Variants in TCAIM observed in about 807,000 individuals in gnomAD.
TCAIM encodes the protein T-cell activation inhibitor, mitochondrial.
A neutral mutation model predicts 58.6 loss-of-function variants in TCAIM; 36 were observed. The ratio of observed to expected loss-of-function variants is 0.61; its 90% CI spans 0.47 to 0.81. The LOEUF (loss-of-function observed/expected upper bound fraction) is 0.81, where lower values mean the gene tolerates loss of function less well. Ranked by LOEUF, TCAIM falls within the 30% of genes least tolerant of loss-of-function variation. TCAIM has a pLI of 0.00. For missense variants in TCAIM, 466 were observed against 579.6 expected, an observed-to-expected ratio of 0.80 and a Z score of 2.01; for synonymous variants, 172 against 193.6, an observed-to-expected ratio of 0.89 and a Z score of 0.93.
At chr3:44,396,640 T>A in intron 7 of TCAIM, 103 bp from the exon 8 acceptor site, 2 of 1,437,582 alleles carry the variant, frequency 1.4e-6, no homozygotes, top group Admixed American at 4.1e-5. Flanking sequence ...AATTAGCCTT[T>A]AAGCTTCTAC....
At chr3:44,393,788 A>G (rs13093862) in intron 6 of TCAIM, among the ~76,000 whole-genome samples, 71,190 of 151,976 alleles carry the variant, frequency 0.47, 18,464 homozygotes, top group East Asian at 0.8. Context: ...GTTTTAAAAG[A>G]TTAGTATTTG....
intron 10 of TCAIM, among the ~76,000 whole-genome samples, chr3:44,402,119 T>C (rs752697967): frequency 1.7e-4 from 26 of 150,456 alleles, no homozygotes; most frequent in Non-Finnish European, 1.8e-4. Flanking sequence ...AAAAAATCAT[T>C]TTAGGCCGTG....
chr3:44,406,815 T>TC, intron 10 of TCAIM, among the ~76,000 whole-genome samples: 1 of 152,188 alleles, frequency 6.6e-6, no homozygotes, highest in Non-Finnish European at 1.5e-5. Context: ...AAACACTGTA[T>TC]CCCTAAGCAC....
intron 9 of TCAIM, 105 bp from the exon 10 acceptor site, chr3:44,401,098 T>C: frequency 6.7e-7 from 1 of 1,493,928 alleles, no homozygotes; most frequent in Non-Finnish European, 8.9e-7. Flanking sequence ...AGGTGGCTTT[T>C]CTTGATGATT....
chr3:44,390,482 G>T (rs180955489), intron 5 of TCAIM, among the ~76,000 whole-genome samples: 75 of 152,222 alleles, frequency 4.9e-4, no homozygotes, highest in African/African-American at 1.7e-3. Flanking sequence ...AATTAGGTGG[G>T]CATGGTAGTA....
At position 44,382,566 on chromosome 3, in the gene TCAIM, A is replaced by G. The variant is rs78694445; in HGVS notation, c.573-10289A>G. Among the ~76,000 whole-genome samples the G allele has an allele frequency of 3.3e-3, 506 of 152,336 alleles. 5 individuals carry two copies. The highest frequency in any genetic ancestry group is 0.026 in the Admixed American group (392 of 15,294). On this transcript the variant is annotated intron_variant, in intron 5 of 10. Transcript: ENST00000342649. Reference sequence around the variant, plus strand: ...GGCCACATGCAAAGGAATGAAGTTGAACACTGACTTATACTAAAATTAACT... The same window carrying G: ...GGCCACATGCAAAGGAATGAAGTTGGACACTGACTTATACTAAAATTAACT...
intron 5 of TCAIM, 128 bp from the exon 6 acceptor site, chr3:44,392,727 T>C: frequency 1.2e-6 from 1 of 803,846 alleles, no homozygotes; most frequent in Non-Finnish European, 1.9e-6. Flanking sequence ...AATCTGTCAT[T>C]GATTGGCATT....
At chr3:44,400,712 A>T in intron 9 of TCAIM, 125 bp downstream of exon 9, 4 of 812,546 alleles carry the variant, frequency 4.9e-6, no homozygotes, top group Non-Finnish European at 7.8e-6. Flanking sequence ...AAATGCCACT[A>T]CTTGTGTTAG....
chr3:44,371,224 A>AT (rs1701464596), intron 5 of TCAIM, among the ~76,000 whole-genome samples: 1 of 150,324 alleles, frequency 6.7e-6, no homozygotes, highest in Non-Finnish European at 1.5e-5. Flanking sequence ...TACCCGGTTA[A>AT]TTTTTTAATT....
chr3:44,358,435 C>A, intron 3 of TCAIM: 1 of 579,952 alleles, frequency 1.7e-6, no homozygotes, highest in Non-Finnish European at 3.0e-6. Context: ...ATGGATTCAA[C>A]CAACCTCAGA....
chr3:44,369,725 T>G (rs2125638853), intron 5 of TCAIM, among the ~76,000 whole-genome samples: 2 of 152,354 alleles, frequency 1.3e-5, no homozygotes, highest in Middle Eastern at 6.8e-3. Context: ...TACATTCGAC[T>G]ATATGAGTTC....
chr3:44,355,878 T>G (rs115777142), intron 2 of TCAIM, among the ~76,000 whole-genome samples: 1 of 152,188 alleles, frequency 6.6e-6, no homozygotes, highest in African/African-American at 2.4e-5. Flanking sequence ...GAGAGCTAAG[T>G]GTATGTCAGA....
chr3:44,342,052 C>T (rs143306844), intron 1 of TCAIM, among the ~76,000 whole-genome samples: 2 of 152,172 alleles, frequency 1.3e-5, no homozygotes, highest in African/African-American at 2.4e-5. Flanking sequence ...ATATAGATAA[C>T]GTTTTCTCAT....
At position 44,408,627 on chromosome 3, in the gene TCAIM, C is replaced by T. The variant is rs1702136889; in HGVS notation, c.*945C>T. The T allele has an allele frequency of 6.6e-6, 1 of 152,160 alleles. No individual in the cohort carries two copies. The highest frequency in any genetic ancestry group is 2.1e-4 in the South Asian group (1 of 4,828). 9.4% of individuals were successfully genotyped at this position (152,160 alleles called of 1,614,324 possible). On this transcript the variant is annotated 3_prime_UTR_variant, in exon 11 of 11. Coordinates refer to ENST00000342649, the MANE Select transcript of TCAIM (RefSeq NM_173826.4). ...GATTCATTTGTTTCATGGGCAAACA[C>T]TATCCAGGAAAAGCCTTGCTTGCCT...
intron 5 of TCAIM, among the ~76,000 whole-genome samples, chr3:44,377,621 G>A (rs568341586): frequency 3.9e-5 from 6 of 152,086 alleles, no homozygotes; most frequent in East Asian, 3.9e-4. Flanking sequence ...CCATATTTTC[G>A]GCCACAAATT....
intron 5 of TCAIM, among the ~76,000 whole-genome samples, chr3:44,388,497 G>C (rs1403406293): frequency 1.3e-5 from 2 of 152,104 alleles, no homozygotes. Flanking sequence ...TGTTTTCAGT[G>C]TATTATATAG....
At chr3:44,366,725 C>G (rs995845726) in intron 4 of TCAIM, among the ~76,000 whole-genome samples, 2 of 152,058 alleles carry the variant, frequency 1.3e-5, no homozygotes, top group Admixed American at 6.5e-5. Context: ...CTCGGCCTCC[C>G]AAAGTGCTGG....
chr3:44,408,397 GC>G lies in TCAIM; in HGVS notation c.*718del, dbSNP rs894481320. ...CAGAAATTAGATAACCACCAATTTTGCCCAAGAGAAAGACTAGAAGGACTAA... is the reference window on the plus strand; with the variant it reads ...CAGAAATTAGATAACCACCAATTTTGCCAAGAGAAAGACTAGAAGGACTAA... On this transcript the variant is annotated 3_prime_UTR_variant, in exon 11 of 11. Transcript: ENST00000342649. 5 of 152,166 alleles carry G rather than the reference GC, an allele frequency of 3.3e-5. No individual in the cohort carries two copies. The highest frequency in any genetic ancestry group is 1.2e-4 in the African/African-American group (5 of 41,456). 9.4% of individuals were successfully genotyped at this position (152,166 alleles called of 1,614,324 possible).
At chr3:44,378,071 AT>A (rs1701594379) in intron 5 of TCAIM, among the ~76,000 whole-genome samples, 1 of 152,230 alleles carries the variant, frequency 6.6e-6, no homozygotes, top group African/African-American at 2.4e-5. Flanking sequence ...AATATCCAGA[AT>A]CTATCAGGAA....
Sources: gnomAD v4.1 joint callset for allele counts (sites outside exome capture counted in the v4.1 genomes callset) on GRCh38, gnomAD v4.1.1 for gene constraint, MANE v1.5 for transcripts, NCBI Gene and HGNC (gene_info 2026-07-23, HGNC 2026-07-21) for gene names.